The following TRAP1 variants were observed in gnomAD, a reference collection of about 807,000 sequenced individuals.
TRAP1 encodes heat shock protein 75 kDa, mitochondrial.
Under a neutral mutation model 89.1 loss-of-function variants are expected in TRAP1, and 102 were observed. That is an observed-to-expected ratio of 1.15 (90% CI 0.98 to 1.35). The LOEUF (loss-of-function observed/expected upper bound fraction) is 1.35, where lower values mean the gene tolerates loss of function less well. Ranked by LOEUF, TRAP1 falls within the 40% of genes most tolerant of loss-of-function variation. The pLI, the probability that TRAP1 is intolerant of heterozygous loss-of-function variation, is 0.00. For synonymous variants in TRAP1, 508 were observed against 388.0 expected (o/e 1.31, Z -3.64); for missense variants, 1,256 against 945.3 (o/e 1.33, Z -4.31).
chr16:3,714,021 A>G (rs915362194), intron 1 of TRAP1, among the ~76,000 whole-genome samples: 26 of 152,164 alleles, frequency 1.7e-4, no homozygotes, highest in African/African-American at 6.0e-4. Context: ...CATCAAACCA[A>G]TTATTCAGAG....
At chr16:3,703,335 CAAGT>C (rs1204368547) in intron 1 of TRAP1, among the ~76,000 whole-genome samples, 2 of 151,516 alleles carry the variant, frequency 1.3e-5, no homozygotes, top group African/African-American at 2.4e-5. Context: ...GGAGGACTAA[CAAGT>C]AAACTACAGA....
At chr16:3,694,757 T>C (rs1268762538) in intron 1 of TRAP1, among the ~76,000 whole-genome samples, 1 of 152,130 alleles carries the variant, frequency 6.6e-6, no homozygotes, top group Non-Finnish European at 1.5e-5. Flanking sequence ...GGATGACAGG[T>C]ATGAGCCACT....
At chr16:3,715,295 A>G (rs1294267074) in intron 1 of TRAP1, among the ~76,000 whole-genome samples, 5 of 152,086 alleles carry the variant, frequency 3.3e-5, no homozygotes, top group Non-Finnish European at 7.4e-5. Flanking sequence ...AAAATTAGCC[A>G]GGCATGGTGG....
At chr16:3,674,285 C>T in intron 9 of TRAP1, 54 bp downstream of exon 9, 2 of 1,599,766 alleles carry the variant, frequency 1.3e-6, no homozygotes, top group Non-Finnish European at 8.5e-7. Context: ...GAGCTGATGC[C>T]ACAGGGGACA....
intron 1 of TRAP1, among the ~76,000 whole-genome samples, chr16:3,692,334 G>A (rs1046342860): frequency 3.3e-5 from 5 of 151,998 alleles, no homozygotes; most frequent in African/African-American, 7.2e-5. Context: ...TCAGGAGTTC[G>A]AGACCAGCCT....
At chr16:3,680,628 G>A (rs1336619503) in intron 4 of TRAP1, among the ~76,000 whole-genome samples, 1 of 152,252 alleles carries the variant, frequency 6.6e-6, no homozygotes, top group African/African-American at 2.4e-5. Flanking sequence ...CCTCTATCTG[G>A]CCTATCCTGT....
intron 2 of TRAP1, among the ~76,000 whole-genome samples, chr16:3,689,964 C>T (rs1168815835): frequency 2.6e-5 from 4 of 152,158 alleles, no homozygotes; most frequent in Admixed American, 2.6e-4. Context: ...TCCCAATGTG[C>T]ATGGTTACGA....
chr16:3,674,820 G>A (rs17794155), intron 8 of TRAP1: 20,034 of 401,210 alleles, frequency 0.05, 608 homozygotes, highest in Admixed American at 0.057. Context: ...GAGCGATGAC[G>A]ACCCACGCTG....
intron 1 of TRAP1, among the ~76,000 whole-genome samples, chr16:3,696,186 C>A (rs1328529017): frequency 6.6e-6 from 1 of 152,102 alleles, no homozygotes; most frequent in Non-Finnish European, 1.5e-5. Context: ...TACCTGGCAG[C>A]CAGATCTTGG....
In TRAP1 at chr16:3,678,459, T is replaced by C. The variant is rs192339866; in HGVS notation, c.544-801A>G. On this transcript the variant is annotated intron_variant, in intron 5 of 17. Coordinates refer to ENST00000246957, the MANE Select transcript of TRAP1 (RefSeq NM_016292.3). ...ACAGTTAGGGTGGGTTTTTTGTTTG[T>C]TGTTGTTGTTGTTGTTGTTTTTGAG... 5.1e-3 allele frequency: 660 copies of C among 130,060 alleles called. 5 individuals are homozygous for C. The highest frequency in any genetic ancestry group is 7.7e-3 in the Middle Eastern group (2 of 260). The allele number at this position is 130,060 out of a possible 1,614,324, so 8.1% of individuals were successfully genotyped here.
intron 8 of TRAP1, 21 bp from the exon 9 acceptor site, chr16:3,674,515 G>A: frequency 1.9e-6 from 3 of 1,611,756 alleles, no homozygotes; most frequent in Non-Finnish European, 2.5e-6. Flanking sequence ...AGATCGGCGG[G>A]GAGGGCGTCG....
At chr16:3,711,972 T>C (rs1299440518) in intron 1 of TRAP1, among the ~76,000 whole-genome samples, 2 of 152,162 alleles carry the variant, frequency 1.3e-5, no homozygotes, top group East Asian at 1.9e-4. Flanking sequence ...TGAGTATGAA[T>C]GGATACATTT....
chr16:3,712,715 A>G lies in TRAP1; in HGVS notation c.88+4706T>C, dbSNP rs1452772222. On this transcript the variant is annotated intron_variant, in intron 1 of 17. Coordinates refer to ENST00000246957, the MANE Select transcript of TRAP1 (RefSeq NM_016292.3). ...CTCCAACCTCCACCTCCCAGGTTCA[A>G]GCAATTCTCGTGCCTCAGCCTCCCA... Among the ~76,000 whole-genome samples the G allele has an allele frequency of 3.3e-5, 5 of 152,274 alleles. No homozygotes were observed. In the East Asian group the frequency reaches 9.6e-4, roughly 29 times the overall value.
intron 9 of TRAP1, among the ~76,000 whole-genome samples, chr16:3,673,928 A>G (rs1377792507): frequency 1.3e-5 from 2 of 152,110 alleles, no homozygotes; most frequent in Non-Finnish European, 2.9e-5. Context: ...ACTGATCCAC[A>G]GCAGATGATG....
At chr16:3,713,932 G>A (rs1259036134) in intron 1 of TRAP1, among the ~76,000 whole-genome samples, 6 of 152,186 alleles carry the variant, frequency 3.9e-5, no homozygotes, top group Admixed American at 2.0e-4. Context: ...AGGCTCCTAC[G>A]CACAAGCTTA....
Position 3,664,215 on chromosome 16 carries a change from G to T in TRAP1, c.1569+59C>A, listed in dbSNP as rs1339178849. 3 of 1,469,284 alleles carry T rather than the reference G, an allele frequency of 2.0e-6. No individual in the cohort carries two copies. In the African/African-American group the frequency reaches 4.3e-5, roughly 21 times the overall value. The allele number at this position is 1,469,284 out of a possible 1,614,324, so 91.0% of individuals were successfully genotyped here. A position where few individuals can be genotyped will look rare whatever the true frequency, so the allele number is the denominator to read the frequency against. On this transcript the variant is annotated intron_variant, in intron 13 of 17. Transcript: ENST00000246957. Reference sequence around the variant, plus strand: ...GGTTCACCCAGCACAGAGCTGAGAAGGTCAAGACCCTCCCCAGGTTGCAGC... The same window carrying T: ...GGTTCACCCAGCACAGAGCTGAGAATGTCAAGACCCTCCCCAGGTTGCAGC...
intron 9 of TRAP1, among the ~76,000 whole-genome samples, 200 bp downstream of exon 9, chr16:3,674,139 T>G (rs148720228): frequency 2.0e-5 from 3 of 152,318 alleles, no homozygotes; most frequent in Non-Finnish European, 2.9e-5. Flanking sequence ...CAGCCTGGTC[T>G]GCAACTCCTG....
In TRAP1 at chr16:3,671,020, C is replaced by A. The variant is rs1336113209; in HGVS notation, c.1235+702G>T. Reference sequence around the variant, plus strand: ...CCGAGGATCTGCTTCCATTTCAACACTGGAGAGAAACCGGTGGGCAGAGAA... The same window carrying A: ...CCGAGGATCTGCTTCCATTTCAACAATGGAGAGAAACCGGTGGGCAGAGAA... On this transcript the variant is annotated intron_variant, in intron 11 of 17. Coordinates refer to ENST00000246957, the MANE Select transcript of TRAP1 (RefSeq NM_016292.3). Among the ~76,000 whole-genome samples, 3 of 152,176 alleles carry A rather than the reference C, an allele frequency of 2.0e-5. 1 individual carries two copies. The highest frequency in any genetic ancestry group is 4.4e-5 in the Non-Finnish European group (3 of 68,030).
At chr16:3,676,246 A>AACAACAC in intron 6 of TRAP1, 101 bp from the exon 7 acceptor site, 1 of 858,024 alleles carries the variant, frequency 1.2e-6, no homozygotes, top group South Asian at 1.7e-5. Context: ...GCAGAGCCCA[A>AACAACAC]ACAACACACA....
Sources: allele counts gnomAD v4.1 joint callset (sites outside exome capture counted in the v4.1 genomes callset), GRCh38; gene constraint gnomAD v4.1.1; transcripts MANE v1.5; gene names NCBI Gene and HGNC (gene_info 2026-07-23, HGNC 2026-07-21).